Variants in TMEM62 observed in about 807,000 individuals in gnomAD.
TMEM62 encodes the protein transmembrane protein 62.
In TMEM62, 41 loss-of-function variants were observed where a neutral mutation model predicts 70.4. That is an observed-to-expected ratio of 0.58 (90% CI 0.45 to 0.76). The LOEUF is 0.76. Among genes scored for constraint, TMEM62 ranks in the 30% least tolerant of loss-of-function variants. The pLI is 0.00. For missense variants in TMEM62, 688 were observed against 788.5 expected (o/e 0.87, Z 1.53); for synonymous variants, 268 against 291.0 (o/e 0.92, Z 0.80).
intron 13 of TMEM62, 77 bp from the exon 14 acceptor site, chr15:43,184,183 G>A: frequency 7.9e-7 from 1 of 1,262,036 alleles, no homozygotes; most frequent in South Asian, 1.4e-5. Context: ...ATAGTCTTAG[G>A]ATCCACTAAT....
At chr15:43,184,056 C>G (rs2041653857) in intron 13 of TMEM62, 1 of 591,316 alleles carries the variant, frequency 1.7e-6, no homozygotes, top group Non-Finnish European at 3.0e-6. Context: ...TAAATGATAC[C>G]TGCCTCTAAG....
At chr15:43,183,437 C>A (rs552922502) in intron 13 of TMEM62, among the ~76,000 whole-genome samples, 1 of 152,322 alleles carries the variant, frequency 6.6e-6, no homozygotes, top group South Asian at 2.1e-4. Flanking sequence ...CAATTTCCAC[C>A]TGGCTCATGC....
intron 10 of TMEM62, among the ~76,000 whole-genome samples, chr15:43,161,296 TG>T (rs1279663309): frequency 6.6e-6 from 1 of 152,212 alleles, no homozygotes; most frequent in Non-Finnish European, 1.5e-5. Context: ...ATGAGTCATT[TG>T]GGATGCTATA....
At chr15:43,173,015 G>T (rs912730313) in intron 11 of TMEM62, among the ~76,000 whole-genome samples, 5 of 152,100 alleles carry the variant, frequency 3.3e-5, no homozygotes, top group Admixed American at 2.6e-4. Flanking sequence ...ATCACTTGAG[G>T]TCAGGAGTTC....
intron 11 of TMEM62, among the ~76,000 whole-genome samples, chr15:43,175,644 G>A (rs111717099): frequency 0.068 from 10,392 of 152,270 alleles, 1,170 homozygotes; most frequent in African/African-American, 0.23. Context: ...AAGCCTTTCA[G>A]TTGGAGTAAG....
At chr15:43,166,797 A>T (rs1420010940) in intron 10 of TMEM62, among the ~76,000 whole-genome samples, 1 of 152,170 alleles carries the variant, frequency 6.6e-6, no homozygotes, top group Non-Finnish European at 1.5e-5. Context: ...CACCGCCCTT[A>T]ATCCATTCAA....
intron 9 of TMEM62, among the ~76,000 whole-genome samples, chr15:43,160,010 C>T (rs1459050518): frequency 6.6e-6 from 1 of 151,876 alleles, no homozygotes; most frequent in Non-Finnish European, 1.5e-5. Flanking sequence ...ACTCTGTCAC[C>T]CAGGCTGGAG....
chr15:43,135,726 T>C (rs1415507995), intron 3 of TMEM62, 77 bp downstream of exon 3: 3 of 1,473,784 alleles, frequency 2.0e-6, no homozygotes, highest in South Asian at 1.5e-5. Context: ...CCAACTTAGA[T>C]TGTAAAATTA....
intron 11 of TMEM62, among the ~76,000 whole-genome samples, chr15:43,176,334 G>T (rs1165857061): frequency 6.6e-6 from 1 of 152,208 alleles, no homozygotes; most frequent in Non-Finnish European, 1.5e-5. Context: ...GAGAGCAGTG[G>T]TTCTCCCAGC....
intron 12 of TMEM62, among the ~76,000 whole-genome samples, chr15:43,179,187 C>T (rs777812173): frequency 2.0e-5 from 3 of 151,952 alleles, no homozygotes; most frequent in Non-Finnish European, 4.4e-5. Flanking sequence ...TGCTTGAGTC[C>T]AGGAGGTCAA....
intron 11 of TMEM62, among the ~76,000 whole-genome samples, chr15:43,176,151 A>G (rs2040720288): frequency 2.0e-5 from 3 of 152,262 alleles, no homozygotes; most frequent in African/African-American, 7.2e-5. Flanking sequence ...GCCATTGCCC[A>G]GGCTTGCTTA....
chr15:43,152,028 C>A, intron 8 of TMEM62, 83 bp downstream of exon 8: 1 of 1,024,258 alleles, frequency 9.8e-7, no homozygotes, highest in Non-Finnish European at 1.4e-6. Flanking sequence ...CATGTGAAAG[C>A]TATGAGATGC....
intron 10 of TMEM62, among the ~76,000 whole-genome samples, chr15:43,163,195 A>C (rs531759972): frequency 1.3e-5 from 2 of 152,120 alleles, no homozygotes; most frequent in South Asian, 2.1e-4. Flanking sequence ...AAAAATAAAA[A>C]AAAAGAAATA....
At chr15:43,171,181 C>T (rs1047823836) in intron 11 of TMEM62, among the ~76,000 whole-genome samples, 3 of 151,902 alleles carry the variant, frequency 2.0e-5, no homozygotes, top group South Asian at 2.1e-4. Context: ...ACTAAAAATA[C>T]AAAAATTAGC....
At position 43,184,851 on chromosome 15, in the gene TMEM62, C is replaced by G. The variant is rs2041744724; in HGVS notation, c.*265C>G. 1 of 509,364 alleles carries G rather than the reference C, an allele frequency of 2.0e-6. No homozygotes were observed. Among genetic ancestry groups the G allele is most frequent in the South Asian group, 2.6e-5 (1 of 38,094 alleles). 31.6% of individuals were successfully genotyped at this position (509,364 alleles called of 1,614,324 possible). Reference sequence around the variant, plus strand: ...GATTTACCTTTGTGAAGAGAAAACCCTTATCTAGGACATCCACAGGGTAGA... The same window carrying G: ...GATTTACCTTTGTGAAGAGAAAACCGTTATCTAGGACATCCACAGGGTAGA... On this transcript the variant is annotated 3_prime_UTR_variant, in exon 14 of 14. Transcript: ENST00000260403.
intron 5 of TMEM62, 50 bp from the exon 6 acceptor site, chr15:43,148,705 T>A: frequency 6.3e-7 from 1 of 1,598,614 alleles, no homozygotes; most frequent in Non-Finnish European, 8.5e-7. Context: ...TGACATTAGA[T>A]TTTAGCCTGA....
chr15:43,182,184 G>A (rs2041396130), intron 13 of TMEM62, among the ~76,000 whole-genome samples: 1 of 152,162 alleles, frequency 6.6e-6, no homozygotes, highest in Non-Finnish European at 1.5e-5. Context: ...GATTTGAAAA[G>A]TATTTATCTA....
chr15:43,163,990 A>G (rs542370870), intron 10 of TMEM62, among the ~76,000 whole-genome samples: 5 of 152,330 alleles, frequency 3.3e-5, no homozygotes, highest in African/African-American at 9.6e-5. Flanking sequence ...AAAACAGTCT[A>G]TGTTCACTCA....
In TMEM62 at chr15:43,178,043, C is replaced by T. The variant is rs1251035826; in HGVS notation, c.1382-564C>T. ...AACTGTATAATGTATAGGAAAGGAC[C>T]ATATTTGGACAGATACTCATATTTA... On this transcript the variant is annotated intron_variant, in intron 11 of 13. Coordinates refer to ENST00000260403, the MANE Select transcript of TMEM62 (RefSeq NM_024956.4). 4.7e-5 allele frequency among the ~76,000 whole-genome samples: 7 copies of T among 150,302 alleles called. No individual in the cohort carries two copies. In the East Asian group the frequency reaches 7.8e-4, roughly 17 times the overall value.
Sources: gnomAD v4.1 joint callset for allele counts (sites outside exome capture counted in the v4.1 genomes callset) on GRCh38, gnomAD v4.1.1 for gene constraint, MANE v1.5 for transcripts, NCBI Gene and HGNC (gene_info 2026-07-23, HGNC 2026-07-21) for gene names.